PTPRT: variants seen among roughly 807,000 people sequenced by gnomAD.
PTPRT encodes the protein protein tyrosine phosphatase receptor type T.
A neutral mutation model predicts 176.8 loss-of-function variants in PTPRT; 56 were observed. The observed-to-expected ratio is 0.32, with a 90% CI of 0.26 to 0.40. The LOEUF is 0.40. Among genes scored for constraint, PTPRT ranks in the 10% least tolerant of loss-of-function variants. PTPRT has a pLI of 1.00. For synonymous variants in PTPRT, 783 were observed against 739.0 expected (o/e 1.06, Z -0.96); for missense variants, 1,540 against 1,908.2 (o/e 0.81, Z 3.60).
chr20:42,472,884 C>T (rs1478922995), intron 7 of PTPRT, among the ~76,000 whole-genome samples: 3 of 152,170 alleles, frequency 2.0e-5, no homozygotes, highest in Admixed American at 6.5e-5. Flanking sequence ...TGAAAACCTT[C>T]TTGGTACCAC....
intron 2 of PTPRT, among the ~76,000 whole-genome samples, chr20:42,858,202 C>T (rs865802825): frequency 1.3e-5 from 2 of 152,154 alleles, no homozygotes; most frequent in African/African-American, 2.4e-5. Flanking sequence ...TAAAATTACT[C>T]TGACACTTGT....
chr20:42,278,059 A>G (rs2057073189), intron 13 of PTPRT, among the ~76,000 whole-genome samples: 1 of 127,038 alleles, frequency 7.9e-6, no homozygotes, highest in Non-Finnish European at 1.7e-5. Flanking sequence ...ATAGACATTA[A>G]ACATGTAAGT....
At chr20:42,165,178 C>A (rs747429558) in intron 16 of PTPRT, among the ~76,000 whole-genome samples, 1 of 152,138 alleles carries the variant, frequency 6.6e-6, no homozygotes, top group Non-Finnish European at 1.5e-5. Context: ...TGCTGCCCAC[C>A]CTTATCCCCT....
chr20:42,879,886 T>C (rs2078990220), intron 2 of PTPRT, among the ~76,000 whole-genome samples: 1 of 152,156 alleles, frequency 6.6e-6, no homozygotes, highest in African/African-American at 2.4e-5. Flanking sequence ...GTAGGAAAAA[T>C]AGAAGAAGCT....
chr20:43,141,293 C>T (rs746274791), intron 1 of PTPRT, among the ~76,000 whole-genome samples: 5 of 152,284 alleles, frequency 3.3e-5, no homozygotes, highest in African/African-American at 7.2e-5. Context: ...TAGGCCCAGT[C>T]GGGCAGCTCT....
chr20:42,386,881 G>A (rs1402583417), intron 9 of PTPRT, among the ~76,000 whole-genome samples: 4 of 151,944 alleles, frequency 2.6e-5, no homozygotes. Context: ...CAAAAAAAAA[G>A]AATTATTATC....
At chr20:42,564,788 C>T (rs2073011693) in intron 7 of PTPRT, among the ~76,000 whole-genome samples, 2 of 152,062 alleles carry the variant, frequency 1.3e-5, no homozygotes, top group Admixed American at 6.5e-5. Context: ...TAAAGAAATA[C>T]AGTAAAACAA....
chr20:42,048,387 A>T, the PTPRT span, among the ~76,000 whole-genome samples: 1 of 152,186 alleles, frequency 6.6e-6, no homozygotes, highest in Admixed American at 6.5e-5. Context: ...CTTAGTGACT[A>T]GGTGACCAAC....
At chr20:42,506,815 A>G (rs1265330896) in intron 7 of PTPRT, among the ~76,000 whole-genome samples, 1 of 152,150 alleles carries the variant, frequency 6.6e-6, no homozygotes, top group Non-Finnish European at 1.5e-5. Context: ...TGAGTCTTGT[A>G]CTTTTCCCTG....
intron 7 of PTPRT, among the ~76,000 whole-genome samples, chr20:42,525,922 G>T (rs1220024753): frequency 6.6e-6 from 1 of 151,934 alleles, no homozygotes. Context: ...AATTTTGCTG[G>T]TTGCAGATTT....
chr20:42,905,318 G>A (rs1042774570), intron 1 of PTPRT, among the ~76,000 whole-genome samples: 1 of 152,214 alleles, frequency 6.6e-6, no homozygotes, highest in Non-Finnish European at 1.5e-5. Context: ...ATGAAAAAAT[G>A]CTCATCATCA....
intron 1 of PTPRT, among the ~76,000 whole-genome samples, chr20:43,111,546 GAAA>G (rs11424029): frequency 0.048 from 4,012 of 83,304 alleles, 104 homozygotes; most frequent in African/African-American, 0.11. Context: ...TCCGTCTCAG[GAAA>G]AAAAAAAAAA....
chr20:42,675,317 A>T (rs1332179443), intron 7 of PTPRT, among the ~76,000 whole-genome samples: 1 of 152,224 alleles, frequency 6.6e-6, no homozygotes, highest in East Asian at 1.9e-4. Flanking sequence ...CTTGAATTTC[A>T]GAATATTTGC....
chr20:43,188,797 T>C (rs992315262), intron 1 of PTPRT, among the ~76,000 whole-genome samples: 1 of 128,974 alleles, frequency 7.8e-6, no homozygotes, highest in Non-Finnish European at 1.6e-5. Context: ...TGGGGCTTGG[T>C]GATGTGTAAG....
intron 9 of PTPRT, among the ~76,000 whole-genome samples, chr20:42,406,096 T>A (rs1041836681): frequency 1.3e-5 from 2 of 151,826 alleles, no homozygotes; most frequent in Non-Finnish European, 2.9e-5. Context: ...ATATCCAGAG[T>A]AATGTGATCC....
At chr20:42,838,099 TC>T (rs2078213799) in intron 2 of PTPRT, among the ~76,000 whole-genome samples, 1 of 152,190 alleles carries the variant, frequency 6.6e-6, no homozygotes, top group African/African-American at 2.4e-5. Context: ...TGATCTTGGC[TC>T]ACTGCAACTT....
intron 2 of PTPRT, among the ~76,000 whole-genome samples, chr20:42,818,712 T>C (rs1423333940): frequency 6.6e-6 from 1 of 152,136 alleles, no homozygotes; most frequent in Non-Finnish European, 1.5e-5. Flanking sequence ...ATAAATTACC[T>C]GATGGAGCTG....
intron 9 of PTPRT, among the ~76,000 whole-genome samples, chr20:42,431,792 T>C (rs1049450241): frequency 1.3e-5 from 2 of 152,212 alleles, no homozygotes; most frequent in African/African-American, 4.8e-5. Context: ...CCTGTGGTTC[T>C]GCCCTTCAGT....
intron 16 of PTPRT, among the ~76,000 whole-genome samples, chr20:42,198,835 T>A (rs1991334207): frequency 6.6e-6 from 1 of 152,220 alleles, no homozygotes; most frequent in Admixed American, 6.5e-5. Flanking sequence ...AGTCATAATC[T>A]GTGACTCACC....
Sources: allele counts gnomAD v4.1 joint callset (sites outside exome capture counted in the v4.1 genomes callset), GRCh38; gene constraint gnomAD v4.1.1; transcripts MANE v1.5; gene names NCBI Gene and HGNC (gene_info 2026-07-23, HGNC 2026-07-21).